ASTN1: variants seen among roughly 807,000 people sequenced by gnomAD.
The protein encoded by ASTN1 is astrotactin 1, also known as astrotactin-1.
A neutral mutation model predicts 140.7 loss-of-function variants in ASTN1; 41 were observed. The ratio of observed to expected loss-of-function variants is 0.29; its 90% CI spans 0.23 to 0.38. The LOEUF (loss-of-function observed/expected upper bound fraction) is 0.38. ASTN1 is among the 10% of genes least tolerant of loss of function. The pLI is 1.00. For missense variants in ASTN1, 1,479 were observed against 1,678.8 expected (o/e 0.88, Z 2.08); for synonymous variants, 640 against 652.2 (o/e 0.98, Z 0.29).
At position 176,933,300 on chromosome 1, in the gene ASTN1, C is replaced by A. The variant is rs116306218; in HGVS notation, c.2671+852G>T. The stretch of plus-strand genomic sequence containing the variant: ...TGCTGACAACAGAGGTCCCTTGTCT[C>A]AGAGGAGACCTTCCTTGGTCATTAA... On this transcript the variant is annotated intron_variant, in intron 16 of 22. Coordinates refer to ENST00000361833, the MANE Select transcript of ASTN1 (RefSeq NM_004319.3). 3.6e-3 allele frequency among the ~76,000 whole-genome samples: 546 copies of A among 152,324 alleles called. 2 individuals are homozygous for A. Among genetic ancestry groups the A allele is most frequent in the African/African-American group, 0.012 (518 of 41,566 alleles).
intron 8 of ASTN1, among the ~76,000 whole-genome samples, chr1:176,992,444 A>G (rs1173258410): frequency 6.6e-6 from 1 of 152,132 alleles, no homozygotes; most frequent in African/African-American, 2.4e-5. Context: ...AACGTTGTAA[A>G]AAAAAATGAG....
intron 14 of ASTN1, among the ~76,000 whole-genome samples, chr1:176,943,501 T>C (rs1671826946): frequency 6.6e-6 from 1 of 152,128 alleles, no homozygotes; most frequent in Non-Finnish European, 1.5e-5. Context: ...GCTTGGTAAA[T>C]ACTTGCCAGG....
At chr1:177,048,411 C>T (rs1321816587) in intron 2 of ASTN1, among the ~76,000 whole-genome samples, 1 of 152,200 alleles carries the variant, frequency 6.6e-6, no homozygotes, top group Non-Finnish European at 1.5e-5. Context: ...AAGTTCCCTT[C>T]TAAAGTAAAT....
At chr1:176,943,286 GT>G (rs889469572) in intron 14 of ASTN1, among the ~76,000 whole-genome samples, 14 of 152,134 alleles carry the variant, frequency 9.2e-5, no homozygotes, top group African/African-American at 3.1e-4. Context: ...TAATCTGTGT[GT>G]TTGTTCCACA....
chr1:177,065,084 C>T (rs1012426078), intron 1 of ASTN1, among the ~76,000 whole-genome samples: 2 of 152,190 alleles, frequency 1.3e-5, no homozygotes, highest in Non-Finnish European at 2.9e-5. Context: ...GTTACGCCTG[C>T]CCAAGGCCAG....
intron 8 of ASTN1, among the ~76,000 whole-genome samples, chr1:177,003,085 C>G (rs1251392060): frequency 6.6e-6 from 1 of 152,110 alleles, no homozygotes; most frequent in African/African-American, 2.4e-5. Flanking sequence ...ACCAATTCCA[C>G]TGAAACTATT....
At chr1:177,009,102 C>T (rs753961885) in intron 8 of ASTN1, among the ~76,000 whole-genome samples, 2 of 152,180 alleles carry the variant, frequency 1.3e-5, no homozygotes, top group African/African-American at 4.8e-5. Context: ...GGCCTAAGAC[C>T]TGGGCTTGGA....
At chr1:177,023,281 A>C in intron 7 of ASTN1, 123 bp downstream of exon 7, 1 of 1,254,750 alleles carries the variant, frequency 8.0e-7, no homozygotes, top group Non-Finnish European at 1.1e-6. Flanking sequence ...GGCAGTCCGC[A>C]TGGTCTAGGC....
chr1:176,973,570 C>T (rs10913281), intron 8 of ASTN1, among the ~76,000 whole-genome samples: 6,223 of 152,210 alleles, frequency 0.041, 430 homozygotes, highest in African/African-American at 0.14. Flanking sequence ...GCCCAGTGAT[C>T]AAACCACATT....
intron 1 of ASTN1, among the ~76,000 whole-genome samples, chr1:177,133,225 T>C (rs1682024818): frequency 6.6e-6 from 1 of 152,204 alleles, no homozygotes; most frequent in African/African-American, 2.4e-5. Flanking sequence ...GCAAGGCACT[T>C]TGCCATTTAT....
chr1:176,982,416 G>A (rs10913284), intron 8 of ASTN1, among the ~76,000 whole-genome samples: 8,338 of 152,196 alleles, frequency 0.055, 756 homozygotes, highest in African/African-American at 0.19. Flanking sequence ...AAACCTCGGC[G>A]TGCATCACCT....
chr1:176,929,604 C>A (rs1671117174), intron 16 of ASTN1, among the ~76,000 whole-genome samples: 1 of 152,214 alleles, frequency 6.6e-6, no homozygotes, highest in Non-Finnish European at 1.5e-5. Flanking sequence ...TTTGTTACAG[C>A]AGCCACAGAA....
intron 9 of ASTN1, among the ~76,000 whole-genome samples, chr1:176,962,459 T>C (rs1672706632): frequency 6.6e-6 from 1 of 152,358 alleles, no homozygotes; most frequent in Non-Finnish European, 1.5e-5. Flanking sequence ...GTGTTCAAAA[T>C]TGTATGTTGG....
At chr1:176,926,689 T>G (rs1670985382) in intron 16 of ASTN1, among the ~76,000 whole-genome samples, 1 of 152,236 alleles carries the variant, frequency 6.6e-6, no homozygotes, top group African/African-American at 2.4e-5. Flanking sequence ...GTGCTAACTT[T>G]GTTGTTGTAA....
At chr1:176,948,299 GGA>G (rs1338568666) in intron 12 of ASTN1, among the ~76,000 whole-genome samples, 1 of 143,982 alleles carries the variant, frequency 6.9e-6, no homozygotes, top group Admixed American at 6.9e-5. Flanking sequence ...GGGAGGGGAG[GGA>G]GAGGGGGGAG....
intron 8 of ASTN1, among the ~76,000 whole-genome samples, chr1:177,008,312 A>G (rs2101926742): frequency 6.6e-6 from 1 of 152,262 alleles, no homozygotes. Context: ...TGGACACAGA[A>G]AAACGTAAGA....
Position 176,894,637 on chromosome 1 carries a change from AG to A in ASTN1, c.2864del (p.Pro955LeufsTer9). ...TCACCTCCAGCAGAACCGGCTCAGC[AG>A]GGGTGTCAGGGCTGGATGTCACATG... Reference protein sequence around the residue: ...LCHVTSSPDTPAEPVLLEVTK... With the variant: ...LCHVTSSPDTXAEPVLLEVTK... On this transcript the variant is annotated frameshift_variant, in exon 17 of 23. Coordinates refer to ENST00000361833, the MANE Select transcript of ASTN1 (RefSeq NM_004319.3). LOFTEE classifies it high-confidence loss of function. 6.2e-7 allele frequency: 1 copy of A among 1,614,110 alleles called. No homozygotes were observed. The highest frequency in any genetic ancestry group is 8.5e-7 in the Non-Finnish European group (1 of 1,180,016).
At chr1:176,939,806 G>A (rs1042952305) in intron 14 of ASTN1, among the ~76,000 whole-genome samples, 9 of 116,538 alleles carry the variant, frequency 7.7e-5, no homozygotes, top group South Asian at 5.4e-4. Flanking sequence ...GAATGAGGAA[G>A]AAGGAAGGAA....
At chr1:176,903,601 G>A (rs16850365) in intron 16 of ASTN1, among the ~76,000 whole-genome samples, 2,274 of 152,232 alleles carry the variant, frequency 0.015, 63 homozygotes, top group African/African-American at 0.052. Flanking sequence ...GCAATTTTAA[G>A]TGTACTTGAT....
Sources: gnomAD v4.1 joint callset for allele counts (sites outside exome capture counted in the v4.1 genomes callset) on GRCh38, gnomAD v4.1.1 for gene constraint, MANE v1.5 for transcripts, NCBI Gene and HGNC (gene_info 2026-07-23, HGNC 2026-07-21) for gene names.